Variants in OSBP2 observed in about 807,000 individuals in gnomAD.
OSBP2 encodes oxysterol binding protein 2.
A neutral mutation model predicts 96.0 loss-of-function variants in OSBP2; 66 were observed. That is an observed-to-expected ratio of 0.69 (90% CI 0.56 to 0.84). The LOEUF is 0.84. OSBP2 is among the 40% of genes least tolerant of loss of function. The probability of loss-of-function intolerance (pLI) is 0.00; values close to 1 mark genes in which losing one functional copy is unlikely to be tolerated. For missense variants in OSBP2, 1,038 were observed against 1,222.7 expected (o/e 0.85, Z 2.25); for synonymous variants, 525 against 520.9 (o/e 1.01, Z -0.11).
intron 1 of OSBP2, among the ~76,000 whole-genome samples, chr22:30,719,122 C>T (rs2145700456): frequency 6.6e-6 from 1 of 152,186 alleles, no homozygotes; most frequent in South Asian, 2.1e-4. Context: ...TGTGCCTTCT[C>T]TCCAGCCTGT....
chr22:30,880,036 C>T (rs1207382144), intron 3 of OSBP2, among the ~76,000 whole-genome samples: 1 of 151,560 alleles, frequency 6.6e-6, no homozygotes, highest in African/African-American at 2.4e-5. Context: ...TGGGCAAGAG[C>T]AAGACTCTGT....
At position 30,890,917 on chromosome 22, in the gene OSBP2, G is replaced by T; in HGVS notation, c.1813G>T (p.Glu605Ter). 1.9e-6 allele frequency: 3 copies of T among 1,612,718 alleles called. No homozygotes were observed. The highest frequency in any genetic ancestry group is 2.5e-6 in the Non-Finnish European group (3 of 1,180,028). ...CAAGCCCTTCAACCCCATGCTGGGG[G>T]AGACCTTCGAGCTGGACCGCCTCGA... Reference protein sequence around the residue: ...IAKPFNPMLGETFELDRLDDM... With the variant: ...IAKPFNPMLG The change falls in exon 8 of 14, where the codon GAG becomes TAG. Residue 605 changes from glutamate to a stop codon, truncating the protein, a stop_gained. Coordinates refer to ENST00000332585, the MANE Select transcript of OSBP2 (RefSeq NM_030758.4). LOFTEE classifies it high-confidence loss of function. This position sits in a 1 kb window ranked among gnomAD's most constrained non-coding sequence, Gnocchi z 4.4.
At chr22:30,749,596 C>T (rs569158672) in intron 2 of OSBP2, among the ~76,000 whole-genome samples, 72 of 152,104 alleles carry the variant, frequency 4.7e-4, no homozygotes, top group Non-Finnish European at 8.4e-4. Context: ...GCCACAGACT[C>T]GTTTCTAATT....
At chr22:30,787,443 C>T (rs1181873659) in intron 2 of OSBP2, among the ~76,000 whole-genome samples, 2 of 152,040 alleles carry the variant, frequency 1.3e-5, no homozygotes, top group African/African-American at 4.8e-5. Flanking sequence ...GAGGCCGAGG[C>T]AGGTGGATCA....
intron 2 of OSBP2, among the ~76,000 whole-genome samples, chr22:30,800,921 T>C (rs1240160507): frequency 1.3e-5 from 2 of 152,206 alleles, no homozygotes; most frequent in Non-Finnish European, 2.9e-5. Flanking sequence ...TCTGTCTGTC[T>C]CTGTGTGAGT....
chr22:30,898,482 TCA>T (rs2040114936), intron 12 of OSBP2, among the ~76,000 whole-genome samples: 1 of 152,162 alleles, frequency 6.6e-6, no homozygotes. Flanking sequence ...TTTAATTAAC[TCA>T]CAGTTCTGCC....
Position 30,826,397 on chromosome 22 carries a change from G to A in OSBP2, c.854-44032G>A, listed in dbSNP as rs1382101759. On this transcript the variant is annotated intron_variant, in intron 2 of 13. Transcript: ENST00000332585. ...CTCCTCGGGCCTAGCCTCATAGCAT[G>A]CCCAGTCCAGCCTCCCTCTGCCTAC... 3.9e-5 allele frequency among the ~76,000 whole-genome samples: 6 copies of A among 152,160 alleles called. No homozygotes were observed. In the South Asian group the frequency reaches 1.0e-3, roughly 26 times the overall value.
At chr22:30,705,871 C>G (rs1355882996) in intron 1 of OSBP2, among the ~76,000 whole-genome samples, 2 of 152,124 alleles carry the variant, frequency 1.3e-5, no homozygotes, top group Admixed American at 1.3e-4. Flanking sequence ...TGCACACACC[C>G]TGGTTATTTA....
At position 30,717,090 on chromosome 22, in the gene OSBP2, TTGTGTGTG is replaced by T. The variant is rs35377469; in HGVS notation, c.644+21573_644+21580del. Among the ~76,000 whole-genome samples, 2,027 of 118,400 alleles carry T rather than the reference TTGTGTGTG, an allele frequency of 0.017. 220 individuals are homozygous for T. In the East Asian group the frequency reaches 0.28, roughly 17 times the overall value. The allele number at this position is 118,400 out of a possible 152,430, so 77.7% of individuals were successfully genotyped here. On this transcript the variant is annotated intron_variant, in intron 1 of 13. Coordinates refer to ENST00000332585, the MANE Select transcript of OSBP2 (RefSeq NM_030758.4). ...CTATTTTGTTTTAATTTTACTGTTT[TTGTGTGTG>T]TGTGTGTGTGTGTGTGTGTGTGTGT...
chr22:30,733,890 T>G (rs557319043), intron 1 of OSBP2, among the ~76,000 whole-genome samples: 8 of 152,330 alleles, frequency 5.3e-5, no homozygotes, highest in African/African-American at 1.9e-4. Context: ...GTACTGCAGA[T>G]GTTTAGTATT....
chr22:30,767,791 G>C (rs767005869), intron 2 of OSBP2, among the ~76,000 whole-genome samples: 1 of 152,086 alleles, frequency 6.6e-6, no homozygotes, highest in East Asian at 1.9e-4. Flanking sequence ...GAGAGGATCC[G>C]GGCCCTTCTC....
chr22:30,776,540 A>G (rs2090440427), intron 2 of OSBP2, among the ~76,000 whole-genome samples: 1 of 151,916 alleles, frequency 6.6e-6, no homozygotes, highest in East Asian at 1.9e-4. Flanking sequence ...GTTGTTGGCA[A>G]TATTTCTCTA....
chr22:30,837,660 C>G (rs2038664042), intron 2 of OSBP2, among the ~76,000 whole-genome samples: 1 of 152,168 alleles, frequency 6.6e-6, no homozygotes, highest in African/African-American at 2.4e-5. Context: ...CTGAGCCCTG[C>G]GCTCGTTTGC....
rs1033613610 is a variant in OSBP2, at chr22:30,893,825, A to T, written c.2199A>T (p.Gly733=). Residue 733 remains glycine (G), a synonymous_variant, in exon 12 of 14, where the codon GGA becomes GGT. Coordinates refer to ENST00000332585, the MANE Select transcript of OSBP2 (RefSeq NM_030758.4). ...CCTGCCAATGTCCACAGGTGACAGG[A>T]GTGGTGAGTGACAGCCAGGGCAAGG... The part of the protein sequence containing the change: ...FSKEAARKVT[G]VVSDSQGKAH... 2 of 1,594,070 alleles carry T rather than the reference A, an allele frequency of 1.3e-6. No individual in the cohort carries two copies. Among genetic ancestry groups the T allele is most frequent in the Non-Finnish European group, 1.7e-6 (2 of 1,170,094 alleles).
intron 2 of OSBP2, among the ~76,000 whole-genome samples, chr22:30,796,806 C>T (rs2090770427): frequency 6.6e-6 from 1 of 152,174 alleles, no homozygotes; most frequent in Non-Finnish European, 1.5e-5. Flanking sequence ...CGGCACCCAG[C>T]CAAAATTTGT....
chr22:30,815,814 AC>A (rs1306090790), intron 2 of OSBP2, among the ~76,000 whole-genome samples: 1 of 151,900 alleles, frequency 6.6e-6, no homozygotes, highest in Non-Finnish European at 1.5e-5. Flanking sequence ...GTAATATTCC[AC>A]TGAGTTGCCA....
At chr22:30,897,381 T>C (rs1288185081) in intron 12 of OSBP2, among the ~76,000 whole-genome samples, 2 of 152,178 alleles carry the variant, frequency 1.3e-5, no homozygotes, top group Admixed American at 1.3e-4. Context: ...TACCGACTCA[T>C]GGATGCAACT....
intron 2 of OSBP2, among the ~76,000 whole-genome samples, chr22:30,753,409 G>A (rs1173133395): frequency 6.6e-6 from 1 of 152,164 alleles, no homozygotes; most frequent in African/African-American, 2.4e-5. Flanking sequence ...GTCCTCTGTG[G>A]CCTGGGCATC....
At chr22:30,749,141 C>T (rs993644017) in intron 2 of OSBP2, among the ~76,000 whole-genome samples, 1 of 151,938 alleles carries the variant, frequency 6.6e-6, no homozygotes, top group Non-Finnish European at 1.5e-5. Context: ...AAAAAAGAAT[C>T]GTGTATTTAT....
Sources: gnomAD v4.1 joint callset for allele counts (sites outside exome capture counted in the v4.1 genomes callset) on GRCh38, gnomAD v4.1.1 for gene constraint, Gnocchi (gnomAD v3.1) non-coding constraint, MANE v1.5 for transcripts, NCBI Gene and HGNC (gene_info 2026-07-23, HGNC 2026-07-21) for gene names.